TJP1: variants seen among roughly 807,000 people sequenced by gnomAD.
TJP1 encodes the protein tight junction protein ZO-1.
TJP1 carries 43 observed loss-of-function variants against 194.2 expected under a neutral mutation model. The ratio of observed to expected loss-of-function variants is 0.22; its 90% CI spans 0.17 to 0.29. TJP1 has a LOEUF of 0.29. Ranked by LOEUF, TJP1 falls within the 10% of genes least tolerant of loss-of-function variation. The pLI is 1.00. For missense variants in TJP1, 1,971 were observed against 2,185.7 expected (o/e 0.90, Z 1.96); for synonymous variants, 801 against 779.0 (o/e 1.03, Z -0.47).
At chr15:29,791,911 T>C (rs1488192065) in intron 2 of TJP1, among the ~76,000 whole-genome samples, 2 of 152,302 alleles carry the variant, frequency 1.3e-5, no homozygotes, top group South Asian at 2.1e-4. Flanking sequence ...CATTTACCCA[T>C]ATGTCTTCCT....
At chr15:29,944,331 G>A (rs781565542) in intron 2 of TJP1, among the ~76,000 whole-genome samples, 8 of 152,010 alleles carry the variant, frequency 5.3e-5, no homozygotes, top group South Asian at 2.1e-4. Flanking sequence ...TCCTGACCTC[G>A]TGATCCACCC....
chr15:29,891,645 C>T (rs1249297668), intron 2 of TJP1, among the ~76,000 whole-genome samples: 1 of 152,152 alleles, frequency 6.6e-6, no homozygotes, highest in Non-Finnish European at 1.5e-5. Flanking sequence ...ACTTTTTCAT[C>T]GTTCTTATAT....
intron 2 of TJP1, among the ~76,000 whole-genome samples, chr15:29,844,507 G>A (rs928934553): frequency 1.3e-5 from 2 of 152,188 alleles, no homozygotes; most frequent in Non-Finnish European, 2.9e-5. Context: ...CAGCATCAGT[G>A]GATGTGCTGC....
At chr15:29,729,786 G>T (rs1454100927) in intron 15 of TJP1, among the ~76,000 whole-genome samples, 1 of 148,528 alleles carries the variant, frequency 6.7e-6, no homozygotes, top group Non-Finnish European at 1.5e-5. Context: ...TCGTGCCACT[G>T]CACTCCAGCC....
intron 2 of TJP1, among the ~76,000 whole-genome samples, chr15:29,945,586 A>G (rs2055248076): frequency 6.6e-6 from 1 of 152,204 alleles, no homozygotes; most frequent in Non-Finnish European, 1.5e-5. Flanking sequence ...ACTGGTGGGC[A>G]GAGGAGGATC....
At chr15:29,847,038 A>G (rs1387614047) in intron 2 of TJP1, among the ~76,000 whole-genome samples, 2 of 152,240 alleles carry the variant, frequency 1.3e-5, no homozygotes, top group Non-Finnish European at 2.9e-5. Context: ...GTAAATATTT[A>G]TTGAACACTT....
chr15:29,783,490 TATAAATCATTCTATCATA>T (rs1194298793), intron 2 of TJP1, among the ~76,000 whole-genome samples: 15 of 152,268 alleles, frequency 9.9e-5, no homozygotes, highest in African/African-American at 3.4e-4. Flanking sequence ...CCCAAAGGAA[TATAAATCATTCTATCATA>T]AAGACACATG....
At chr15:29,955,624 G>A (rs778216707) in intron 2 of TJP1, among the ~76,000 whole-genome samples, 8 of 151,590 alleles carry the variant, frequency 5.3e-5, no homozygotes, top group Non-Finnish European at 1.0e-4. Context: ...AGTGGCACAC[G>A]CCTATAGTCC....
intron 2 of TJP1, among the ~76,000 whole-genome samples, chr15:29,904,661 CTGTCT>C (rs1486067827): frequency 6.6e-6 from 1 of 152,016 alleles, no homozygotes; most frequent in African/African-American, 2.4e-5. Context: ...ATGCTTTCCC[CTGTCT>C]TATTAGAAAA....
intron 10 of TJP1, among the ~76,000 whole-genome samples, chr15:29,739,000 C>T (rs917187937): frequency 1.3e-5 from 2 of 151,608 alleles, no homozygotes; most frequent in African/African-American, 4.8e-5. Flanking sequence ...GCAATGATCA[C>T]ACCATTATAC....
chr15:29,863,632 T>A (rs2052181374), intron 2 of TJP1, among the ~76,000 whole-genome samples: 1 of 152,108 alleles, frequency 6.6e-6, no homozygotes, highest in Admixed American at 6.5e-5. Flanking sequence ...GCATTTCAGT[T>A]GCAACCTACG....
intron 2 of TJP1, among the ~76,000 whole-genome samples, chr15:29,864,237 C>CAAAA (rs397975539): frequency 0.023 from 427 of 18,940 alleles, 53 homozygotes; most frequent in Middle Eastern, 0.1. Flanking sequence ...ACTAAAAATA[C>CAAAA]AAAAAAAAAA....
intron 2 of TJP1, among the ~76,000 whole-genome samples, chr15:29,842,960 C>G (rs956424651): frequency 1.3e-5 from 2 of 152,050 alleles, no homozygotes; most frequent in Non-Finnish European, 2.9e-5. Flanking sequence ...TGTGTCCTTA[C>G]CAATAAAAAT....
chr15:29,749,240 A>C (rs2045072848), intron 8 of TJP1, among the ~76,000 whole-genome samples: 2 of 152,100 alleles, frequency 1.3e-5, no homozygotes, highest in African/African-American at 2.4e-5. Flanking sequence ...GCTCTAGACA[A>C]GACAGCTGAC....
In TJP1 at chr15:29,892,821, G is replaced by A. The variant is rs192807812; in HGVS notation, c.306+63411C>T. On this transcript the variant is annotated intron_variant, in intron 2 of 28. Coordinates refer to the TJP1 transcript ENST00000356107. ...CACCTGGTAATCCAAGAGCTCTGAT[G>A]GAAATGTACAAGGAGATTAATGTTG... is the stretch of plus-strand genomic sequence containing the variant. Among the ~76,000 whole-genome samples, 1,141 of 152,254 alleles carry A rather than the reference G, an allele frequency of 7.5e-3. 27 individuals carry two copies. Among genetic ancestry groups the A allele is most frequent in the South Asian group, 6.2e-3 (30 of 4,818 alleles).
intron 2 of TJP1, among the ~76,000 whole-genome samples, chr15:29,895,539 A>G (rs2053450912): frequency 6.6e-6 from 1 of 152,170 alleles, no homozygotes; most frequent in South Asian, 2.1e-4. Context: ...TTTACAGTCC[A>G]TATTTCTGAC....
chr15:29,754,303 T>C (rs181623313), intron 8 of TJP1, among the ~76,000 whole-genome samples: 1 of 152,236 alleles, frequency 6.6e-6, no homozygotes, highest in African/African-American at 2.4e-5. Flanking sequence ...TTCTCACTTG[T>C]AAGTGGGAGC....
At chr15:29,766,667 C>T in intron 4 of TJP1, 125 bp from the exon 5 acceptor site, 2 of 868,684 alleles carry the variant, frequency 2.3e-6, no homozygotes, top group Non-Finnish European at 3.2e-6. Context: ...AAACAATACA[C>T]AAACAACTAC....
intron 2 of TJP1, among the ~76,000 whole-genome samples, chr15:29,926,711 CTTGA>C (rs1567202958): frequency 6.6e-6 from 1 of 151,366 alleles, no homozygotes; most frequent in East Asian, 1.9e-4. Flanking sequence ...CTTTCTTCAT[CTTGA>C]TTTCTACTTT....
Sources: allele counts gnomAD v4.1 joint callset (sites outside exome capture counted in the v4.1 genomes callset), GRCh38; gene constraint gnomAD v4.1.1; transcripts MANE v1.5; gene names NCBI Gene and HGNC (gene_info 2026-07-23, HGNC 2026-07-21).